The following OR3A2 variants were observed in gnomAD, a reference collection of about 807,000 sequenced individuals.
OR3A2 encodes olfactory receptor family 3 subfamily A member 2.
For missense variants in OR3A2, 318 were observed against 392.8 expected, an observed-to-expected ratio of 0.81 and a Z score of 1.61; for synonymous variants, 126 against 159.3, an observed-to-expected ratio of 0.79 and a Z score of 1.57.
intron 3 of OR3A2, among the ~76,000 whole-genome samples, chr17:3,326,692 A>G (rs1302053607): frequency 6.5e-5 from 8 of 123,042 alleles, no homozygotes; most frequent in Non-Finnish European, 1.2e-4. Context: ...TCCCAATGCT[A>G]TCCCTCCCCC....
intron 3 of OR3A2, among the ~76,000 whole-genome samples, chr17:3,306,694 A>AAAAAAAAAC (rs1429072041): frequency 0.021 from 2,478 of 118,048 alleles, 114 homozygotes; most frequent in South Asian, 0.036. Context: ...AAAAAAAAAA[A>AAAAAAAAAC]ACCGTAACCC....
At chr17:3,299,679 C>T (rs2048946890) in intron 3 of OR3A2, among the ~76,000 whole-genome samples, 1 of 152,172 alleles carries the variant, frequency 6.6e-6, no homozygotes, top group African/African-American at 2.4e-5. Context: ...TCCAGCCCTT[C>T]ACACTTCCCC....
chr17:3,371,952 T>A (rs1031210754), intron 2 of OR3A2, among the ~76,000 whole-genome samples: 1 of 138,868 alleles, frequency 7.2e-6, no homozygotes, highest in Non-Finnish European at 1.5e-5. Flanking sequence ...CCGGACGGGG[T>A]GGCTGCCAGG....
intron 2 of OR3A2, among the ~76,000 whole-genome samples, chr17:3,350,709 A>T: frequency 6.6e-6 from 1 of 151,554 alleles, no homozygotes; most frequent in East Asian, 1.9e-4. Context: ...CTGATACCAA[A>T]GCCGGGCAGA....
At chr17:3,276,858 A>G (rs1170533767), downstream of OR3A2, 2 of 151,922 alleles carry the variant, frequency 1.3e-5, no homozygotes, top group African/African-American at 4.8e-5. Flanking sequence ...GTATGAACGT[A>G]GTTTTAATTT....
intron 2 of OR3A2, among the ~76,000 whole-genome samples, chr17:3,336,558 A>G (rs1196056706): frequency 6.6e-6 from 1 of 152,236 alleles, no homozygotes; most frequent in Admixed American, 6.5e-5. Context: ...TACTAAATCC[A>G]TTAATGGTAG....
chr17:3,349,025 A>G (rs1428843676), intron 2 of OR3A2, among the ~76,000 whole-genome samples: 1 of 152,160 alleles, frequency 6.6e-6, no homozygotes, highest in Non-Finnish European at 1.5e-5. Flanking sequence ...AGAGTTCCTG[A>G]AGGAAGTGCT....
At chr17:3,285,360 G>T (rs1404242157), upstream of OR3A2, among the ~76,000 whole-genome samples, 1 of 152,204 alleles carries the variant, frequency 6.6e-6, no homozygotes, top group East Asian at 1.9e-4. Flanking sequence ...AAGCTGCAAA[G>T]TCAGTTTTGG....
chr17:3,338,877 T>C (rs1366261299), intron 2 of OR3A2, among the ~76,000 whole-genome samples: 1 of 152,204 alleles, frequency 6.6e-6, no homozygotes, highest in Non-Finnish European at 1.5e-5. Flanking sequence ...ATTTTCACAA[T>C]ATTGATTCTT....
chr17:3,295,603 A>G (rs2048912724), intron 3 of OR3A2, among the ~76,000 whole-genome samples: 1 of 152,144 alleles, frequency 6.6e-6, no homozygotes, highest in Admixed American at 6.6e-5. Context: ...ACTTACAATG[A>G]TAAAGCCGAG....
chr17:3,379,933 A>G (rs937391649), intron 2 of OR3A2, among the ~76,000 whole-genome samples: 6 of 152,144 alleles, frequency 3.9e-5, no homozygotes, highest in Admixed American at 2.0e-4. Context: ...CTCTAGCACA[A>G]GAGAGGAGGG....
intron 3 of OR3A2, among the ~76,000 whole-genome samples, chr17:3,331,643 C>A (rs1166480744): frequency 2.0e-5 from 3 of 151,726 alleles, no homozygotes; most frequent in South Asian, 4.2e-4. Flanking sequence ...TTTTCAACTT[C>A]TTTGCCTTTG....
rs1034480766 is a variant in OR3A2 at position 3,307,282 on chromosome 17, C to T, written c.-84-28129G>A. Among the ~76,000 whole-genome samples the T allele has an allele frequency of 3.9e-5, 6 of 152,190 alleles. No homozygotes were observed. In the East Asian group the frequency reaches 7.7e-4, roughly 20 times the overall value. On this transcript the variant is annotated intron_variant, in intron 3 of 4. Coordinates refer to the OR3A2 transcript ENST00000573491. ...TCAGAAAAGGAGACGACACAGCCTC[C>T]GGTATGTCAGGAGAAAGCAGAAATA...
At chr17:3,375,075 C>T (rs1277969309) in intron 2 of OR3A2, among the ~76,000 whole-genome samples, 2 of 133,416 alleles carry the variant, frequency 1.5e-5, no homozygotes, top group African/African-American at 5.4e-5. Context: ...TTCTCTGGTA[C>T]TTCATTGAGT....
At chr17:3,302,759 G>A (rs1310505423) in intron 3 of OR3A2, among the ~76,000 whole-genome samples, 1 of 152,168 alleles carries the variant, frequency 6.6e-6, no homozygotes, top group African/African-American at 2.4e-5. Context: ...TTCATCTGCA[G>A]ATGCTTTGCT....
chr17:3,335,998 C>A (rs916572107), intron 3 of OR3A2, 31 bp downstream of exon 2: 1 of 152,344 alleles, frequency 6.6e-6, no homozygotes, highest in African/African-American at 2.4e-5. Context: ...ACTCACGCAA[C>A]TCCTTTCATA....
chr17:3,311,450 CCTT>C lies in OR3A2; in HGVS notation c.-85+24580_-85+24582del, dbSNP rs373156745. The C allele has an allele frequency of 3.4e-4, 158 of 461,258 alleles. No homozygotes were observed. The East Asian group carries it at 7.6e-3, about 22-fold the overall frequency. The allele number at this position is 461,258 out of a possible 1,614,324, so 28.6% of individuals were successfully genotyped here. Reference sequence around the variant, plus strand: ...CTGGTGGGAATTTGCTGCACTGTCTCCTTCATCAATGCTCTGACTCACACAGTG... The same window carrying C: ...CTGGTGGGAATTTGCTGCACTGTCTCCATCAATGCTCTGACTCACACAGTG... On this transcript the variant is annotated intron_variant, in intron 3 of 4. Transcript: ENST00000573491. The surrounding 1 kb of genome is among the most constrained non-coding windows in gnomAD (Gnocchi z 4.6).
chr17:3,337,222 CT>C (rs1053215974), intron 2 of OR3A2, among the ~76,000 whole-genome samples: 7 of 152,114 alleles, frequency 4.6e-5, no homozygotes, highest in African/African-American at 1.7e-4. Context: ...AGTATATTCA[CT>C]TTTTTGTGCA....
chr17:3,282,299 C>T (rs556653423), intron 1 of OR3A2, among the ~76,000 whole-genome samples: 44 of 152,060 alleles, frequency 2.9e-4, no homozygotes, highest in Non-Finnish European at 5.0e-4. Flanking sequence ...CCAGCTACTC[C>T]GGAGGCTGAG....
Sources: allele counts gnomAD v4.1 joint callset (sites outside exome capture counted in the v4.1 genomes callset), GRCh38; gene constraint gnomAD v4.1.1; non-coding constraint Gnocchi (gnomAD v3.1); transcripts MANE v1.5; gene names NCBI Gene and HGNC (gene_info 2026-07-23, HGNC 2026-07-21).